Variants in DLC1 observed in about 807,000 individuals in gnomAD.
DLC1 encodes the protein DLC1 Rho GTPase activating protein, also known as rho GTPase-activating protein 7.
DLC1 carries 54 observed loss-of-function variants against 140.3 expected under a neutral mutation model. The ratio of observed to expected loss-of-function variants is 0.38; its 90% CI spans 0.31 to 0.48. DLC1 has a LOEUF of 0.48. Among genes scored for constraint, DLC1 ranks in the 20% least tolerant of loss-of-function variants. DLC1 has a pLI of 0.96. For missense variants in DLC1, 2,536 were observed against 1,907.0 expected (o/e 1.33, Z -6.14); for synonymous variants, 986 against 728.1 (o/e 1.35, Z -5.70).
At chr8:13,350,212 C>T (rs572777031) in intron 4 of DLC1, among the ~76,000 whole-genome samples, 16 of 152,228 alleles carry the variant, frequency 1.1e-4, no homozygotes, top group Admixed American at 3.3e-4. Context: ...TCTTTTAAGG[C>T]CCACTTTTAA....
chr8:13,286,112 G>T lies in DLC1; in HGVS notation c.1348+19157C>A, dbSNP rs528203360. On this transcript the variant is annotated intron_variant, in intron 5 of 17. Coordinates refer to ENST00000276297, the MANE Select transcript of DLC1 (RefSeq NM_182643.3). ...CCAATTGAAAAATCAATGGATTTAT[G>T]AATAAGATTTCACAGAACATATAGA... 3.3e-5 allele frequency among the ~76,000 whole-genome samples: 5 copies of T among 152,264 alleles called. No homozygotes were observed. The East Asian group carries it at 9.6e-4, about 29-fold the overall frequency.
chr8:13,400,675 C>T (rs1445479795), intron 3 of DLC1, among the ~76,000 whole-genome samples: 7 of 152,016 alleles, frequency 4.6e-5, no homozygotes, highest in Non-Finnish European at 8.8e-5. Context: ...CTGCTTTGAT[C>T]TCAGGTAAAT....
chr8:13,224,762 C>CAA (rs1828711361), intron 5 of DLC1, among the ~76,000 whole-genome samples: 1 of 152,184 alleles, frequency 6.6e-6, no homozygotes, highest in African/African-American at 2.4e-5. Flanking sequence ...ACAGTGTCTA[C>CAA]AAGAGTGAGC....
In DLC1 at chr8:13,357,262, G is replaced by T. The variant is rs562575245; in HGVS notation, c.1314+36291C>A. Among the ~76,000 whole-genome samples, 4 of 152,260 alleles carry T rather than the reference G, an allele frequency of 2.6e-5. No individual in the cohort carries two copies. The South Asian group carries it at 6.2e-4, about 24-fold the overall frequency. On this transcript the variant is annotated intron_variant, in intron 4 of 17. Transcript: ENST00000276297. Reference sequence around the variant, plus strand: ...CTCCAGCCTGGGCAACAGAGTGAGAGTCTGTCAAACTGAAAGAAAAGTCCT... The same window carrying T: ...CTCCAGCCTGGGCAACAGAGTGAGATTCTGTCAAACTGAAAGAAAAGTCCT...
At chr8:13,349,489 A>G (rs1010997248) in intron 4 of DLC1, among the ~76,000 whole-genome samples, 1 of 152,226 alleles carries the variant, frequency 6.6e-6, no homozygotes, top group African/African-American at 2.4e-5. Flanking sequence ...TTGCTCTTTC[A>G]CAGAGCATTT....
At chr8:13,510,171 CTT>C (rs5889447) in intron 1 of DLC1, among the ~76,000 whole-genome samples, 5,384 of 132,994 alleles carry the variant, frequency 0.04, 275 homozygotes, top group African/African-American at 0.12. Context: ...ATTCTTTATT[CTT>C]TTTTTTTTTT....
chr8:13,451,037 C>CAAAAAAAAA (rs1169620786), intron 2 of DLC1, among the ~76,000 whole-genome samples: 201 of 18,364 alleles, frequency 0.011, 17 homozygotes, highest in South Asian at 0.018. Context: ...GACTCCGTCT[C>CAAAAAAAAA]AAAAAAAAAA....
chr8:13,099,849 A>AG lies in DLC1; in HGVS notation c.2487dup (p.Ser830LeufsTer4). On this transcript the variant is annotated frameshift_variant, in exon 9 of 18. Coordinates refer to ENST00000276297, the MANE Select transcript of DLC1 (RefSeq NM_182643.3). LOFTEE classifies it high-confidence loss of function. ...CAGTTCACAGAGCCGTTATTCCCCG[A>AG]GGGGGAGAAACTGCCATTGGTGAGA... The AG allele has an allele frequency of 6.2e-7, 1 of 1,614,054 alleles. No individual in the cohort carries two copies. The highest frequency in any genetic ancestry group is 8.5e-7 in the Non-Finnish European group (1 of 1,180,020).
chr8:13,257,216 TA>T (rs36010634), intron 5 of DLC1, among the ~76,000 whole-genome samples: 37 of 146,600 alleles, frequency 2.5e-4, no homozygotes, highest in Admixed American at 4.1e-4. Context: ...ATGCTTATCA[TA>T]AAAAAAAAAG....
intron 2 of DLC1, among the ~76,000 whole-genome samples, chr8:13,419,281 C>G (rs1838205943): frequency 6.6e-6 from 1 of 152,010 alleles, no homozygotes. Context: ...GAGGGCATCC[C>G]TGTCTTGTGC....
intron 2 of DLC1, 26 bp from the exon 3 acceptor site, chr8:13,401,645 G>A (rs751388340): frequency 1.9e-6 from 3 of 1,596,758 alleles, no homozygotes; most frequent in Non-Finnish European, 2.6e-6. Flanking sequence ...TTTTGTTACT[G>A]AATCTGAAAG....
At chr8:13,260,584 T>C (rs920760295) in intron 5 of DLC1, among the ~76,000 whole-genome samples, 1 of 151,906 alleles carries the variant, frequency 6.6e-6, no homozygotes. Context: ...GTTGGAAATA[T>C]AGAAATAGAG....
chr8:13,419,748 C>T (rs2117338849), intron 2 of DLC1, among the ~76,000 whole-genome samples: 2 of 152,176 alleles, frequency 1.3e-5, no homozygotes, highest in Admixed American at 1.3e-4. Context: ...AGGGAGGATT[C>T]TCTCTTTTTC....
intron 4 of DLC1, among the ~76,000 whole-genome samples, chr8:13,359,330 C>T (rs1751261064): frequency 6.6e-6 from 1 of 152,156 alleles, no homozygotes; most frequent in African/African-American, 2.4e-5. Flanking sequence ...TATCCTTAAC[C>T]CATCAATTTG....
At chr8:13,129,781 G>C (rs902415794) in intron 5 of DLC1, among the ~76,000 whole-genome samples, 1 of 152,162 alleles carries the variant, frequency 6.6e-6, no homozygotes, top group South Asian at 2.1e-4. Flanking sequence ...CTGAGAATTC[G>C]GTCTTTAATG....
intron 5 of DLC1, among the ~76,000 whole-genome samples, chr8:13,179,238 C>G (rs1004741226): frequency 6.6e-6 from 1 of 151,590 alleles, no homozygotes; most frequent in African/African-American, 2.4e-5. Context: ...AAATCAGGAG[C>G]CTTGGTGGGA....
At chr8:13,408,133 ATG>A (rs1373215394) in intron 2 of DLC1, among the ~76,000 whole-genome samples, 2 of 152,184 alleles carry the variant, frequency 1.3e-5, no homozygotes, top group Non-Finnish European at 2.9e-5. Context: ...TTTGAAACTT[ATG>A]TAGACTAGCA....
intron 5 of DLC1, among the ~76,000 whole-genome samples, chr8:13,166,726 A>G (rs1026775918): frequency 8.9e-5 from 13 of 145,390 alleles, no homozygotes; most frequent in Non-Finnish European, 1.7e-4. Flanking sequence ...ACTGCTGAAT[A>G]TATTTTTTAG....
intron 2 of DLC1, among the ~76,000 whole-genome samples, chr8:13,496,786 CTTTTTTTTTTTT>C (rs869192950): frequency 1.4e-3 from 33 of 23,506 alleles, no homozygotes; most frequent in African/African-American, 3.6e-3. Context: ...AGACCATTTC[CTTTTTTTTTTTT>C]TTTTTTTTTT....
Sources: gnomAD v4.1 joint callset for allele counts (sites outside exome capture counted in the v4.1 genomes callset) on GRCh38, gnomAD v4.1.1 for gene constraint, MANE v1.5 for transcripts, NCBI Gene and HGNC (gene_info 2026-07-23, HGNC 2026-07-21) for gene names.